COBLL1: variants seen among roughly 807,000 people sequenced by gnomAD.
The protein encoded by COBLL1 is cordon-bleu WH2 repeat protein like 1.
COBLL1 carries 50 observed loss-of-function variants against 94.8 expected under a neutral mutation model. The ratio of observed to expected loss-of-function variants is 0.53; its 90% CI spans 0.42 to 0.67. The LOEUF (loss-of-function observed/expected upper bound fraction) is 0.67, where lower values mean the gene tolerates loss of function less well. Ranked by LOEUF, COBLL1 falls within the 30% of genes least tolerant of loss-of-function variation. COBLL1 has a pLI of 0.00. For synonymous variants in COBLL1, 448 were observed against 473.8 expected (o/e 0.95, Z 0.71); for missense variants, 1,362 against 1,348.7 (o/e 1.01, Z -0.15).
chr2:164,806,576 C>T (rs1684167003), intron 2 of COBLL1, among the ~76,000 whole-genome samples: 1 of 152,114 alleles, frequency 6.6e-6, no homozygotes, highest in Non-Finnish European at 1.5e-5. Context: ...CCTTAGATGA[C>T]TTAATACGCT....
At chr2:164,789,355 T>G (rs1372471415) in intron 2 of COBLL1, among the ~76,000 whole-genome samples, 1 of 152,108 alleles carries the variant, frequency 6.6e-6, no homozygotes, top group Non-Finnish European at 1.5e-5. Flanking sequence ...CATGTGTGTT[T>G]AGCCAGATGG....
At chr2:164,795,297 G>A (rs569066697) in intron 2 of COBLL1, among the ~76,000 whole-genome samples, 1 of 152,130 alleles carries the variant, frequency 6.6e-6, no homozygotes, top group African/African-American at 2.4e-5. Context: ...ATATATATGA[G>A]GAGAGAGAGA....
In COBLL1 at chr2:164,841,277, G is replaced by T. The variant is rs1396822252; in HGVS notation, c.-50-31C>A. ...GTGGGAGAGGCCGGCGGGTCAGGGC[G>T]GGACGCGCGCCTTCCCGAGGCCGGA... is the stretch of plus-strand genomic sequence containing the variant. On this transcript the variant is annotated intron_variant, in intron 1 of 13. Transcript: ENST00000652658. This position sits in a 1 kb window ranked among gnomAD's most constrained non-coding sequence, Gnocchi z 5.5. 1 of 1,220,412 alleles carries T rather than the reference G, an allele frequency of 8.2e-7. No individual in the cohort carries two copies. Among genetic ancestry groups the T allele is most frequent in the Non-Finnish European group, 1.0e-6 (1 of 980,708 alleles). The allele number at this position is 1,220,412 out of a possible 1,614,324, so 75.6% of individuals were successfully genotyped here.
intron 2 of COBLL1, among the ~76,000 whole-genome samples, chr2:164,796,438 T>C (rs1683461548): frequency 6.6e-6 from 1 of 152,062 alleles, no homozygotes; most frequent in African/African-American, 2.4e-5. Flanking sequence ...CAAAACAGCA[T>C]TTCATCTTGG....
chr2:164,662,882 C>T (rs1691094537), intron 2 of COBLL1, among the ~76,000 whole-genome samples: 1 of 152,172 alleles, frequency 6.6e-6, no homozygotes, highest in Non-Finnish European at 1.5e-5. Context: ...CAGATGCTGG[C>T]ACCATGCTTG....
At chr2:164,668,381 A>G (rs1168525914) in intron 1 of COBLL1, among the ~76,000 whole-genome samples, 3 of 152,160 alleles carry the variant, frequency 2.0e-5, no homozygotes, top group Non-Finnish European at 4.4e-5. Context: ...TGTAGGGTTA[A>G]TTGGCCTAGT....
At chr2:164,808,905 G>GT (rs1275951188) in intron 2 of COBLL1, among the ~76,000 whole-genome samples, 1 of 152,046 alleles carries the variant, frequency 6.6e-6, no homozygotes, top group Non-Finnish European at 1.5e-5. Context: ...TTCTTAAAAA[G>GT]TAAGAACAAT....
intron 2 of COBLL1, among the ~76,000 whole-genome samples, chr2:164,778,354 C>T (rs1688571236): frequency 6.6e-6 from 1 of 152,174 alleles, no homozygotes; most frequent in African/African-American, 2.4e-5. Flanking sequence ...TGCCTGTAAT[C>T]CCAACACTTT....
intron 2 of COBLL1, among the ~76,000 whole-genome samples, chr2:164,747,200 A>T (rs911558198): frequency 4.6e-5 from 7 of 152,220 alleles, no homozygotes; most frequent in African/African-American, 1.7e-4. Context: ...TTTTTTTTTA[A>T]AATTAACTGA....
intron 2 of COBLL1, among the ~76,000 whole-genome samples, chr2:164,769,654 T>C (rs1688106983): frequency 6.6e-6 from 1 of 152,072 alleles, no homozygotes; most frequent in Admixed American, 6.5e-5. Context: ...AGCTCAGGAG[T>C]TCGAGACCAG....
chr2:164,723,183 A>C (rs987908767), intron 5 of COBLL1: 5 of 152,222 alleles, frequency 3.3e-5, no homozygotes, highest in Non-Finnish European at 7.3e-5. Flanking sequence ...ACATTGCAAA[A>C]GACAGTCCCT....
downstream of COBLL1, among the ~76,000 whole-genome samples, chr2:164,677,710 A>T (rs34911406): frequency 1.4e-3 from 211 of 152,334 alleles, 1 homozygote; most frequent in Non-Finnish European, 2.3e-3. Context: ...TCATTGGCTG[A>T]ACCAAATCAG....
chr2:164,726,109 G>A (rs1322291794), intron 5 of COBLL1, among the ~76,000 whole-genome samples: 1 of 152,066 alleles, frequency 6.6e-6, no homozygotes, highest in Non-Finnish European at 1.5e-5. Context: ...ATTACTGGAA[G>A]GGATATTAGA....
chr2:164,803,089 ATCT>A (rs940751396), intron 2 of COBLL1, among the ~76,000 whole-genome samples: 10 of 152,204 alleles, frequency 6.6e-5, no homozygotes, highest in African/African-American at 2.4e-4. Context: ...AGCCTTAGTG[ATCT>A]TCTGGAATGT....
At chr2:164,693,992 A>G (rs771043231) in intron 12 of COBLL1, among the ~76,000 whole-genome samples, 3 of 152,214 alleles carry the variant, frequency 2.0e-5, no homozygotes, top group Non-Finnish European at 4.4e-5. Context: ...TAACTAGTAA[A>G]TATATCATAC....
intron 2 of COBLL1, among the ~76,000 whole-genome samples, chr2:164,658,472 C>A (rs575116051): frequency 6.2e-4 from 95 of 152,012 alleles, no homozygotes; most frequent in Non-Finnish European, 1.1e-3. Flanking sequence ...ATTTGAAGAA[C>A]GATTTGTAGT....
intron 3 of COBLL1, among the ~76,000 whole-genome samples, chr2:164,734,749 G>T (rs1475340416): frequency 6.6e-6 from 1 of 152,168 alleles, no homozygotes; most frequent in East Asian, 1.9e-4. Context: ...GGACAAAGTG[G>T]CAGTGTTGCT....
chr2:164,732,701 C>G (rs1013656198), intron 3 of COBLL1, among the ~76,000 whole-genome samples: 2 of 152,116 alleles, frequency 1.3e-5, no homozygotes, highest in African/African-American at 4.8e-5. Flanking sequence ...CTCATTCTTC[C>G]AACATCTTTT....
chr2:164,812,012 A>C (rs1241597144), intron 2 of COBLL1, among the ~76,000 whole-genome samples: 1 of 151,886 alleles, frequency 6.6e-6, no homozygotes, highest in Non-Finnish European at 1.5e-5. Context: ...GAGACTCTTG[A>C]TTAGATTCCA....
Sources: allele counts gnomAD v4.1 joint callset (sites outside exome capture counted in the v4.1 genomes callset), GRCh38; gene constraint gnomAD v4.1.1; non-coding constraint Gnocchi (gnomAD v3.1); transcripts MANE v1.5; gene names NCBI Gene and HGNC (gene_info 2026-07-23, HGNC 2026-07-21).